Variants in SPOCK1 observed in about 807,000 individuals in gnomAD.
The protein encoded by SPOCK1 is SPARC (osteonectin), cwcv and kazal like domains proteoglycan 1.
In SPOCK1, 23 loss-of-function variants were observed where a neutral mutation model predicts 55.3. The observed-to-expected ratio is 0.42, with a 90% CI of 0.30 to 0.59. SPOCK1 has a LOEUF of 0.59. Among genes scored for constraint, SPOCK1 ranks in the 20% least tolerant of loss-of-function variants. SPOCK1 has a pLI of 0.22. For missense variants in SPOCK1, 499 were observed against 552.5 expected (o/e 0.90, Z 0.97); for synonymous variants, 226 against 221.0 (o/e 1.02, Z -0.20).
intron 2 of SPOCK1, among the ~76,000 whole-genome samples, chr5:137,278,529 G>C (rs1182362588): frequency 2.6e-5 from 4 of 152,094 alleles, no homozygotes; most frequent in Non-Finnish European, 5.9e-5. Context: ...TAACAGCAGG[G>C]CCCACCACAT....
intron 3 of SPOCK1, among the ~76,000 whole-genome samples, chr5:137,247,903 C>T (rs1247926012): frequency 6.6e-6 from 1 of 152,184 alleles, no homozygotes; most frequent in African/African-American, 2.4e-5. Context: ...AAGATATTCA[C>T]GAGGGATCTG....
chr5:137,448,915 C>T (rs1050875562), intron 2 of SPOCK1, among the ~76,000 whole-genome samples: 1 of 152,192 alleles, frequency 6.6e-6, no homozygotes, highest in Non-Finnish European at 1.5e-5. Flanking sequence ...GAAGGTCTGC[C>T]CTTCAGTAGG....
At chr5:137,299,427 T>C (rs1401225685) in intron 2 of SPOCK1, among the ~76,000 whole-genome samples, 1 of 151,904 alleles carries the variant, frequency 6.6e-6, no homozygotes, top group Non-Finnish European at 1.5e-5. Context: ...GAAAAATATA[T>C]ACATATATAG....
At chr5:137,248,209 A>C (rs1016361077) in intron 3 of SPOCK1, among the ~76,000 whole-genome samples, 5 of 152,200 alleles carry the variant, frequency 3.3e-5, no homozygotes, top group Non-Finnish European at 7.3e-5. Flanking sequence ...ATACTTTCTA[A>C]GCCCTCTTTT....
intron 3 of SPOCK1, among the ~76,000 whole-genome samples, chr5:137,179,369 T>C (rs1336879620): frequency 1.3e-5 from 2 of 152,138 alleles, no homozygotes; most frequent in African/African-American, 4.8e-5. Flanking sequence ...TCTCCCTTAA[T>C]AGGACATAAT....
At chr5:137,175,400 T>G (rs1754835574) in intron 3 of SPOCK1, among the ~76,000 whole-genome samples, 1 of 152,214 alleles carries the variant, frequency 6.6e-6, no homozygotes, top group Admixed American at 6.5e-5. Flanking sequence ...AGTTGTAGTC[T>G]ATAATTAGCA....
At chr5:137,485,374 T>C (rs535413382) in intron 2 of SPOCK1, among the ~76,000 whole-genome samples, 2 of 152,346 alleles carry the variant, frequency 1.3e-5, no homozygotes, top group East Asian at 1.9e-4. Flanking sequence ...TTGAATTGGA[T>C]GTATGAGCTA....
intron 2 of SPOCK1, among the ~76,000 whole-genome samples, chr5:137,366,405 C>T (rs1291432940): frequency 6.6e-6 from 1 of 152,088 alleles, no homozygotes; most frequent in Non-Finnish European, 1.5e-5. Context: ...TTGTTTAATC[C>T]CCACAAAAAC....
chr5:137,078,431 G>A (rs1484027441), intron 5 of SPOCK1, among the ~76,000 whole-genome samples: 2 of 152,138 alleles, frequency 1.3e-5, no homozygotes, highest in African/African-American at 4.8e-5. Flanking sequence ...TTCACCGGAG[G>A]TGGAGGGCAA....
intron 3 of SPOCK1, among the ~76,000 whole-genome samples, chr5:137,241,737 C>T (rs1391411305): frequency 1.3e-5 from 2 of 152,176 alleles, no homozygotes; most frequent in Non-Finnish European, 2.9e-5. Context: ...TCTTGAACTT[C>T]CCTGCCTATA....
At chr5:137,438,317 G>T (rs6864080) in intron 2 of SPOCK1, among the ~76,000 whole-genome samples, 140,097 of 151,996 alleles carry the variant, frequency 0.92, 65,287 homozygotes, top group East Asian at 1. Context: ...TTAATATAAT[G>T]AAAGATAAAA....
At chr5:137,351,409 G>A (rs144120780) in intron 2 of SPOCK1, among the ~76,000 whole-genome samples, 152 of 152,374 alleles carry the variant, frequency 1.0e-3, no homozygotes, top group African/African-American at 3.4e-3. Context: ...CTCTAAAGGA[G>A]ATATTCTCAT....
intron 2 of SPOCK1, among the ~76,000 whole-genome samples, chr5:137,459,870 GT>G (rs111273492): frequency 0.019 from 2,856 of 152,266 alleles, 98 homozygotes; most frequent in African/African-American, 0.065. Context: ...AGAGGGGCAG[GT>G]TTGGAACTGG....
chr5:137,207,596 TAA>T (rs1400234347), intron 3 of SPOCK1, among the ~76,000 whole-genome samples: 4 of 152,030 alleles, frequency 2.6e-5, no homozygotes, highest in African/African-American at 9.7e-5. Context: ...TGGGTGGACT[TAA>T]TAGAGCCCTG....
At chr5:137,329,892 GGGGTCAGAAC>G (rs1758139640) in intron 2 of SPOCK1, among the ~76,000 whole-genome samples, 1 of 152,122 alleles carries the variant, frequency 6.6e-6, no homozygotes, top group Admixed American at 6.5e-5. Context: ...ATGCTATTTT[GGGGTCAGAAC>G]CTTCTTTGTA....
chr5:137,466,080 C>G (rs1242592621), intron 2 of SPOCK1, among the ~76,000 whole-genome samples: 3 of 152,234 alleles, frequency 2.0e-5, no homozygotes, highest in African/African-American at 7.2e-5. Context: ...CAATCTGCCT[C>G]AGACAAATCA....
chr5:137,311,570 C>T (rs1472748440), intron 2 of SPOCK1, among the ~76,000 whole-genome samples: 3 of 152,234 alleles, frequency 2.0e-5, no homozygotes, highest in African/African-American at 7.2e-5. Context: ...TAAATAATTT[C>T]AAACTATCTA....
chr5:137,184,177 C>A (rs916030285), intron 3 of SPOCK1, among the ~76,000 whole-genome samples: 1 of 152,194 alleles, frequency 6.6e-6, no homozygotes, highest in African/African-American at 2.4e-5. Flanking sequence ...TAGGCTTTTG[C>A]AGTGAGCATC....
In SPOCK1 at chr5:137,399,806, C is replaced by G. The variant is rs1751936545; in HGVS notation, c.186+98567G>C. The stretch of plus-strand genomic sequence containing the variant: ...ACTAGTAAGTAAACTTAGGAAGTCT[C>G]TCTTCAGAGCCCTCCTGTTCAACCA... On this transcript the variant is annotated intron_variant, in intron 2 of 10. Transcript: ENST00000394945. Among the ~76,000 whole-genome samples the G allele has an allele frequency of 2.0e-5, 3 of 152,166 alleles. No homozygotes were observed. The South Asian group carries it at 6.2e-4, about 32-fold the overall frequency.
Sources: gnomAD v4.1 joint callset for allele counts (sites outside exome capture counted in the v4.1 genomes callset) on GRCh38, gnomAD v4.1.1 for gene constraint, MANE v1.5 for transcripts, NCBI Gene and HGNC (gene_info 2026-07-23, HGNC 2026-07-21) for gene names.